Variants in GPNMB observed in about 807,000 individuals in gnomAD.
GPNMB encodes the protein glycoprotein nmb.
Under a neutral mutation model 57.3 loss-of-function variants are expected in GPNMB, and 71 were observed. That is an observed-to-expected ratio of 1.24 (90% CI 1.02 to 1.51). The LOEUF (loss-of-function observed/expected upper bound fraction) is 1.51, where lower values mean the gene tolerates loss of function less well. Ranked by LOEUF, GPNMB falls within the 40% of genes most tolerant of loss-of-function variation. The pLI is 0.00. For synonymous variants in GPNMB, 253 were observed against 263.2 expected (o/e 0.96, Z 0.38); for missense variants, 677 against 691.9 (o/e 0.98, Z 0.24).
At chr7:23,249,375 T>C (rs974865459) in intron 1 of GPNMB, among the ~76,000 whole-genome samples, 2 of 152,224 alleles carry the variant, frequency 1.3e-5, no homozygotes, top group Admixed American at 6.5e-5. Context: ...GATATTGACA[T>C]TGATACAGTG....
rs763628675 is a variant in GPNMB at position 23,260,107 on chromosome 7, C to T, written c.669C>T (p.Ile223=). 173 of 1,613,812 alleles carry T rather than the reference C, an allele frequency of 1.1e-4. No individual in the cohort carries two copies. The highest frequency in any genetic ancestry group is 1.6e-4 in the East Asian group (7 of 44,902). ...GACATGGACGGGCATATGTTCCCATCGCACAAGTGAAAGATGTGTACGTGG... is the reference window on the plus strand; with the variant it reads ...GACATGGACGGGCATATGTTCCCATTGCACAAGTGAAAGATGTGTACGTGG... ...YRRHGRAYVP[I]AQVKDVYVVT... The change falls in exon 5 of 11, where the codon ATC becomes ATT. Residue 223 remains isoleucine (I), a synonymous_variant. Coordinates refer to ENST00000258733, the MANE Select transcript of GPNMB (RefSeq NM_002510.3).
chr7:23,256,941 A>C lies in GPNMB; in HGVS notation c.417A>C (p.Ser139=), dbSNP rs1360627289. The C allele has an allele frequency of 8.7e-6, 14 of 1,614,206 alleles. No homozygotes were observed. Among genetic ancestry groups the C allele is most frequent in the Non-Finnish European group, 1.1e-5 (13 of 1,179,998 alleles). ...ATGTTTACAACTGGACAGCATGGTC[A>C]GAGGACAGTGACGGGGAAAATGGCA... The part of the protein sequence containing the change: ...DPYVYNWTAW[S]EDSDGENGTG... Residue 139 remains serine (S), a synonymous_variant, in exon 4 of 11, where the codon TCA becomes TCC. Coordinates refer to ENST00000258733, the MANE Select transcript of GPNMB (RefSeq NM_002510.3).
At chr7:23,271,851 A>C (rs1659457508) in intron 9 of GPNMB, among the ~76,000 whole-genome samples, 1 of 152,210 alleles carries the variant, frequency 6.6e-6, no homozygotes, top group Non-Finnish European at 1.5e-5. Context: ...TTAATAATAT[A>C]AATGGCAGTT....
At chr7:23,266,798 C>T (rs1289291272) in intron 7 of GPNMB, among the ~76,000 whole-genome samples, 183 bp downstream of exon 7, 4 of 152,210 alleles carry the variant, frequency 2.6e-5, no homozygotes, top group African/African-American at 4.8e-5. Context: ...CCTGCCTCCC[C>T]GGCCTTCCTT....
Position 23,274,280 on chromosome 7 carries a change from G to A in GPNMB, c.*56G>A. On this transcript the variant is annotated 3_prime_UTR_variant, in exon 11 of 11. Coordinates refer to ENST00000258733, the MANE Select transcript of GPNMB (RefSeq NM_002510.3). ...CAGTGCCATTGATGTGAGATGTGCT[G>A]GAGTGGCTATTAACCTTTTTTTCCT... 1.5e-6 allele frequency: 2 copies of A among 1,318,892 alleles called. No individual in the cohort carries two copies. Among genetic ancestry groups the A allele is most frequent in the South Asian group, 1.2e-5 (1 of 80,234 alleles). The allele number at this position is 1,318,892 out of a possible 1,614,324, so 81.7% of individuals were successfully genotyped here. A position where few individuals can be genotyped will look rare whatever the true frequency, so the allele number is the denominator to read the frequency against.
intron 5 of GPNMB, 98 bp downstream of exon 5, chr7:23,260,236 C>T (rs1208963879): frequency 7.8e-7 from 1 of 1,280,432 alleles, no homozygotes; most frequent in Admixed American, 1.8e-5. Flanking sequence ...GGTTAGGTTA[C>T]AATGCATCTG....
intron 4 of GPNMB, chr7:23,257,907 A>G (rs1302127418): frequency 6.6e-6 from 1 of 152,210 alleles, no homozygotes; most frequent in African/African-American, 2.4e-5. Context: ...ATTTAAGATC[A>G]TTATTAAGAT....
chr7:23,270,166 C>G lies in GPNMB; in HGVS notation c.1420C>G (p.Pro474Ala). Residue 474 changes from proline (P) to alanine (A), a missense_variant, in exon 9 of 11, where the codon CCT becomes GCT. Pro to Ala is a conservative substitution (Grantham distance 27, BLOSUM62 -1). Coordinates refer to ENST00000258733, the MANE Select transcript of GPNMB (RefSeq NM_002510.3). ...LALTSTLISV[P>A]DRDPASPLRM... Reference sequence around the variant, plus strand: ...TCTCACGAGCACCCTGATTTCTGTTCCTGACAGAGGTGAGTTTTGTTTTAT... The same window carrying G: ...TCTCACGAGCACCCTGATTTCTGTTGCTGACAGAGGTGAGTTTTGTTTTAT... 1 of 1,612,836 alleles carries G rather than the reference C, an allele frequency of 6.2e-7. No individual in the cohort carries two copies. Among genetic ancestry groups the G allele is most frequent in the Non-Finnish European group, 8.5e-7 (1 of 1,178,874 alleles).
intron 3 of GPNMB, 61 bp from the exon 4 acceptor site, chr7:23,256,831 C>A: frequency 5.2e-6 from 7 of 1,341,108 alleles, no homozygotes; most frequent in Non-Finnish European, 7.4e-6. Context: ...TTCAGTGATG[C>A]ATGCACATTG....
chr7:23,268,671 T>A (rs946776816), intron 8 of GPNMB, among the ~76,000 whole-genome samples: 1 of 151,968 alleles, frequency 6.6e-6, no homozygotes, highest in Non-Finnish European at 1.5e-5. Flanking sequence ...GATACATAAA[T>A]TAATCAGGAG....
chr7:23,272,475 AAGAGAGAGAAAAAG>A (rs928886115), intron 9 of GPNMB, among the ~76,000 whole-genome samples: 9 of 151,754 alleles, frequency 5.9e-5, no homozygotes, highest in Non-Finnish European at 1.3e-4. Context: ...GAGAGAGAGA[AAGAGAGAGAAAAAG>A]AGAGAGAGAA....
rs773502949 is a variant in GPNMB at position 23,274,183 on chromosome 7, G to C, written c.1642G>C (p.Asp548His). The change falls in exon 11 of 11, where the codon GAT (aspartate) becomes CAT (histidine). Residue 548 changes from aspartate to histidine, a missense_variant. Asp to His is a moderately conservative substitution (Grantham distance 81). Coordinates refer to ENST00000258733, the MANE Select transcript of GPNMB (RefSeq NM_002510.3). Reference sequence around the variant, plus strand: ...GTTCTTCCCGGGAAACCAGGAAAAGGATCCGCTACTCAAAAACCAAGAATT... The same window carrying C: ...GTTCTTCCCGGGAAACCAGGAAAAGCATCCGCTACTCAAAAACCAAGAATT... The part of the protein sequence containing the change: ...AVFFPGNQEK[D>H]PLLKNQEFKG... The C allele has an allele frequency of 3.1e-6, 5 of 1,613,900 alleles. No individual in the cohort carries two copies. The East Asian group carries it at 1.1e-4, about 36-fold the overall frequency.
At chr7:23,250,725 T>C (rs1293252420) in intron 1 of GPNMB, 1 of 152,220 alleles carries the variant, frequency 6.6e-6, no homozygotes, top group Non-Finnish European at 1.5e-5. Flanking sequence ...AATCTGCGTT[T>C]TGATTATGTT....
chr7:23,257,165 T>A, intron 4 of GPNMB, 100 bp downstream of exon 4: 1 of 1,039,966 alleles, frequency 9.6e-7, no homozygotes, highest in Non-Finnish European at 1.5e-6. Context: ...CACAGAGAGT[T>A]AATAACAGTC....
In GPNMB at chr7:23,260,442, G is replaced by A. The variant is rs756912345; in HGVS notation, c.701-14G>A. ...TCATGCATTCTTTATTTCTTTGGGG[G>A]ATGTATCTTTTAGATCAGATTCCTG... On this transcript the variant is annotated splice_polypyrimidine_tract_variant and intron_variant, in intron 5 of 10. Coordinates refer to ENST00000258733, the MANE Select transcript of GPNMB (RefSeq NM_002510.3). 1.9e-6 allele frequency: 3 copies of A among 1,585,508 alleles called. No homozygotes were observed. Among genetic ancestry groups the A allele is most frequent in the South Asian group, 1.1e-5 (1 of 87,984 alleles).
In GPNMB at chr7:23,254,378, C is replaced by T. The variant is rs1038168254; in HGVS notation, c.367+66C>T. 1.1e-5 allele frequency: 14 copies of T among 1,320,068 alleles called. No individual in the cohort carries two copies. In the African/African-American group the frequency reaches 1.3e-4, roughly 12 times the overall value. 81.8% of individuals were successfully genotyped at this position (1,320,068 alleles called of 1,614,324 possible). On this transcript the variant is annotated intron_variant, in intron 3 of 10. Coordinates refer to ENST00000258733, the MANE Select transcript of GPNMB (RefSeq NM_002510.3). ...TTCTAAACCTTAATGATCACAGGTGCTTCTGTAAGTGCCAGATGCTGATCT... is the reference window on the plus strand; with the variant it reads ...TTCTAAACCTTAATGATCACAGGTGTTTCTGTAAGTGCCAGATGCTGATCT...
intron 6 of GPNMB, among the ~76,000 whole-genome samples, chr7:23,261,135 T>C (rs951471884): frequency 2.0e-5 from 3 of 152,202 alleles, no homozygotes; most frequent in Admixed American, 6.5e-5. Context: ...TGGCTCCTTA[T>C]ACGATCAGGT....
chr7:23,255,263 C>G (rs529261248), intron 3 of GPNMB, among the ~76,000 whole-genome samples: 1 of 152,244 alleles, frequency 6.6e-6, no homozygotes, highest in South Asian at 2.1e-4. Flanking sequence ...GTGGTCCGCC[C>G]GCCTCGGTCT....
At chr7:23,256,672 T>G (rs902585243) in intron 3 of GPNMB, among the ~76,000 whole-genome samples, 7 of 152,254 alleles carry the variant, frequency 4.6e-5, no homozygotes, top group African/African-American at 1.7e-4. Flanking sequence ...TCTGAATAAT[T>G]GCTTTGTATA....
Sources: allele counts gnomAD v4.1 joint callset (sites outside exome capture counted in the v4.1 genomes callset), GRCh38; gene constraint gnomAD v4.1.1; transcripts MANE v1.5; gene names NCBI Gene and HGNC (gene_info 2026-07-23, HGNC 2026-07-21).